ABCB1: variants seen among roughly 807,000 people sequenced by gnomAD.
ABCB1 encodes ATP binding cassette subfamily B member 1, also known as ATP-dependent translocase ABCB1.
Under a neutral mutation model 142.0 loss-of-function variants are expected in ABCB1, and 69 were observed. That is an observed-to-expected ratio of 0.49 (90% CI 0.40 to 0.59). The LOEUF is 0.59. Ranked by LOEUF, ABCB1 falls within the 20% of genes least tolerant of loss-of-function variation. The pLI, the probability that ABCB1 is intolerant of heterozygous loss-of-function variation, is 0.00. For missense variants in ABCB1, 1,326 were observed against 1,554.7 expected (o/e 0.85, Z 2.47); for synonymous variants, 532 against 539.2 (o/e 0.99, Z 0.18).
chr7:87,565,502 T>C (rs1338326458), intron 7 of ABCB1: 9 of 454,568 alleles, frequency 2.0e-5, no homozygotes, highest in Non-Finnish European at 4.0e-5. Context: ...AGGATTTATA[T>C]GCATCCTTAG....
At chr7:87,545,066 G>A (rs1816713076) in intron 15 of ABCB1, 67 bp from the exon 16 acceptor site, 3 of 1,440,152 alleles carry the variant, frequency 2.1e-6, no homozygotes, top group Non-Finnish European at 1.9e-6. Flanking sequence ...GCTAATCACT[G>A]AATGTCAGCT....
Position 87,505,888 on chromosome 7 carries a change from A to G in ABCB1, c.3636+9T>C, listed in dbSNP as rs200474621. ...TTCAAGTATGGATGAACCCAATTTA[A>G]ATTCTTACCTTTTCACTTTCTGTAT... On this transcript the variant is annotated intron_variant, in intron 27 of 27. Coordinates refer to ENST00000622132, the MANE Select transcript of ABCB1 (RefSeq NM_001348946.2). The G allele has an allele frequency of 1.3e-4, 209 of 1,614,006 alleles. No individual in the cohort carries two copies. The highest frequency in any genetic ancestry group is 8.2e-4 in the Middle Eastern group (5 of 6,084).
chr7:87,677,330 A>T (rs1220632757), intron 1 of ABCB1, among the ~76,000 whole-genome samples: 2 of 148,114 alleles, frequency 1.4e-5, no homozygotes, highest in Admixed American at 1.3e-4. Flanking sequence ...ATACCATTTC[A>T]GATTTAAAAA....
At chr7:87,637,229 G>C (rs563111848) in intron 1 of ABCB1, among the ~76,000 whole-genome samples, 3 of 152,192 alleles carry the variant, frequency 2.0e-5, no homozygotes, top group East Asian at 3.9e-4. Context: ...ATTTATCTTA[G>C]GTGACTGGAT....
At chr7:87,618,398 A>G (rs545648119) in intron 1 of ABCB1, among the ~76,000 whole-genome samples, 6 of 152,336 alleles carry the variant, frequency 3.9e-5, no homozygotes, top group South Asian at 2.1e-4. Flanking sequence ...ATAAATAAAT[A>G]CAACAAATGT....
In ABCB1 at chr7:87,561,325, T is replaced by G. The variant is rs1313299337; in HGVS notation, c.765A>C (p.Glu255Asp). The G allele has an allele frequency of 6.2e-7, 1 of 1,614,044 alleles. No individual in the cohort carries two copies. Among genetic ancestry groups the G allele is most frequent in the Admixed American group, 1.7e-5 (1 of 60,004 alleles). ...CAGTTCTAATTGCTGCCAAGACCTC[T>G]TCAGCTACTGCTCCAGCTTTTGCAT... ...LAYAKAGAVA[E>D]EVLAAIRTVI... Residue 255 changes from glutamate (E) to aspartate (D), a missense_variant, in exon 8 of 28, where the codon GAA (glutamate) becomes GAC (aspartate). Transcript: ENST00000622132.
chr7:87,688,190 C>T (rs1204323854), intron 1 of ABCB1, among the ~76,000 whole-genome samples: 1 of 152,000 alleles, frequency 6.6e-6, no homozygotes, highest in African/African-American at 2.4e-5. Context: ...AGAAAATCAT[C>T]GTATTCATGT....
chr7:87,610,216 A>G (rs561786053), intron 1 of ABCB1, among the ~76,000 whole-genome samples: 1 of 149,608 alleles, frequency 6.7e-6, no homozygotes, highest in African/African-American at 2.4e-5. Flanking sequence ...CTTATGTACG[A>G]ACTAGCTTTT....
At chr7:87,710,449 A>G (rs1048448927) in intron 1 of ABCB1, 4 of 619,162 alleles carry the variant, frequency 6.5e-6, no homozygotes, top group South Asian at 4.1e-5. Context: ...CATTTTTCTT[A>G]GTCGTTATCA....
At chr7:87,535,528 T>A (rs2117142228) in intron 20 of ABCB1, among the ~76,000 whole-genome samples, 1 of 152,258 alleles carries the variant, frequency 6.6e-6, no homozygotes, top group African/African-American at 2.4e-5. Context: ...TTGTTTTTAT[T>A]GTTTTGTTTG....
Position 87,544,709 on chromosome 7 carries a change from A to G in ABCB1, c.2064+114T>C. The G allele has an allele frequency of 6.9e-6, 7 of 1,015,740 alleles. No homozygotes were observed. In the South Asian group the frequency reaches 9.3e-5, roughly 13 times the overall value. 62.9% of individuals were successfully genotyped at this position (1,015,740 alleles called of 1,614,324 possible). On this transcript the variant is annotated intron_variant, in intron 16 of 27. Transcript: ENST00000622132. ...AAATGTTGACATTCTGGGGGATAGG[A>G]CAGGAGGATTCTGGATAACCTCTCT...
chr7:87,678,872 AAGAC>A (rs1826636402), intron 1 of ABCB1, among the ~76,000 whole-genome samples: 1 of 152,184 alleles, frequency 6.6e-6, no homozygotes. Context: ...ATTTGCCAAG[AAGAC>A]AGAACAAAAC....
intron 21 of ABCB1, among the ~76,000 whole-genome samples, chr7:87,523,700 A>G (rs1815644472): frequency 6.6e-6 from 1 of 152,232 alleles, no homozygotes; most frequent in African/African-American, 2.4e-5. Flanking sequence ...GGAAACATAC[A>G]TCCTTCATCA....
At chr7:87,632,447 T>G (rs1821318297) in intron 1 of ABCB1, among the ~76,000 whole-genome samples, 1 of 152,208 alleles carries the variant, frequency 6.6e-6, no homozygotes, top group African/African-American at 2.4e-5. Flanking sequence ...TGCATAGTCC[T>G]TATTTCATCA....
intron 3 of ABCB1, among the ~76,000 whole-genome samples, chr7:87,591,572 C>T (rs1819002969): frequency 6.6e-6 from 1 of 151,966 alleles, no homozygotes; most frequent in South Asian, 2.1e-4. Flanking sequence ...ATTTATGGAG[C>T]GTCGTTGTTG....
At position 87,520,636 on chromosome 7, in the gene ABCB1, T is replaced by A. The variant is rs1307343338; in HGVS notation, c.2786+140A>T. 7.9e-6 allele frequency: 6 copies of A among 755,690 alleles called. No homozygotes were observed. The Admixed American group carries it at 1.2e-4, about 15-fold the overall frequency. 46.8% of individuals were successfully genotyped at this position (755,690 alleles called of 1,614,324 possible). ...TCTTGTACTTTCTCTCCTGCATAAT[T>A]ACAACTGTTTCTCAATGGTTTACCT... On this transcript the variant is annotated intron_variant, in intron 22 of 27. Transcript: ENST00000622132.
intron 1 of ABCB1, among the ~76,000 whole-genome samples, chr7:87,610,394 G>A (rs1819808268): frequency 7.6e-6 from 1 of 130,834 alleles, no homozygotes; most frequent in South Asian, 2.4e-4. Flanking sequence ...ACCACACCTG[G>A]CCTTTTTTTT....
rs183631305 is a variant in ABCB1 at position 87,551,716 on chromosome 7, T to C, written c.1000-878A>G. Among the ~76,000 whole-genome samples the C allele has an allele frequency of 2.7e-3, 407 of 152,326 alleles. 1 individual carries two copies. The highest frequency in any genetic ancestry group is 9.2e-3 in the African/African-American group (384 of 41,586). On this transcript the variant is annotated intron_variant, in intron 9 of 27. Transcript: ENST00000622132. Reference sequence around the variant, plus strand: ...TATGTTGCCCATACTAAAAATATTTTGGAAATATAAATACTTTTCAATTTA... The same window carrying C: ...TATGTTGCCCATACTAAAAATATTTCGGAAATATAAATACTTTTCAATTTA...
intron 2 of ABCB1, among the ~76,000 whole-genome samples, chr7:87,597,786 A>C (rs1819264124): frequency 6.6e-6 from 1 of 152,154 alleles, no homozygotes; most frequent in Admixed American, 6.5e-5. Context: ...ATCTAAGAAA[A>C]GTGATTACAA....
Sources: allele counts gnomAD v4.1 joint callset (sites outside exome capture counted in the v4.1 genomes callset), GRCh38; gene constraint gnomAD v4.1.1; transcripts MANE v1.5; gene names NCBI Gene and HGNC (gene_info 2026-07-23, HGNC 2026-07-21).